KHDRBS2: variants seen among roughly 807,000 people sequenced by gnomAD.
KHDRBS2 encodes KH RNA binding domain containing, signal transduction associated 2.
A neutral mutation model predicts 44.3 loss-of-function variants in KHDRBS2; 26 were observed. That is an observed-to-expected ratio of 0.59 (90% CI 0.43 to 0.81). The LOEUF (loss-of-function observed/expected upper bound fraction) is 0.81. KHDRBS2 is among the 40% of genes least tolerant of loss of function. The pLI, the probability that KHDRBS2 is intolerant of heterozygous loss-of-function variation, is 0.00. For synonymous variants in KHDRBS2, 194 were observed against 151.1 expected, an observed-to-expected ratio of 1.28 and a Z score of -2.08; for missense variants, 476 against 433.1, an observed-to-expected ratio of 1.10 and a Z score of -0.88.
intron 6 of KHDRBS2, among the ~76,000 whole-genome samples, chr6:61,808,894 G>T (rs182932865): frequency 1.5e-4 from 22 of 150,914 alleles, no homozygotes; most frequent in African/African-American, 5.1e-4. Flanking sequence ...TTATATAAAA[G>T]GAATAAAGGG....
chr6:61,823,469 T>C (rs1203918018), intron 6 of KHDRBS2, among the ~76,000 whole-genome samples: 2 of 152,044 alleles, frequency 1.3e-5, no homozygotes, highest in African/African-American at 4.8e-5. Context: ...TTGGGAAGAA[T>C]TTATCTGATG....
intron 7 of KHDRBS2, among the ~76,000 whole-genome samples, chr6:61,720,685 G>A (rs1217424458): frequency 6.6e-6 from 1 of 152,288 alleles, no homozygotes; most frequent in East Asian, 1.9e-4. Context: ...TTAGCCCTTT[G>A]TTAGACGAGT....
intron 2 of KHDRBS2, among the ~76,000 whole-genome samples, chr6:62,064,475 C>T (rs1324395603): frequency 2.7e-5 from 4 of 147,652 alleles, no homozygotes; most frequent in African/African-American, 5.0e-5. Flanking sequence ...GAAATAACGC[C>T]GCATACCTAC....
the KHDRBS2 span, among the ~76,000 whole-genome samples, chr6:61,578,556 A>G: frequency 6.6e-6 from 1 of 152,314 alleles, no homozygotes; most frequent in African/African-American, 2.4e-5. Context: ...TTTACAGTTC[A>G]TCTTAAAGTG....
Position 61,966,183 on chromosome 6 carries a change from A to T in KHDRBS2, c.483+11883T>A, listed in dbSNP as rs112780274. On this transcript the variant is annotated intron_variant, in intron 4 of 8. Transcript: ENST00000281156. ...TGAGAATTACACTGAAAGGTAATGA[A>T]TTACAGTTTGGTAGTAAAATTATCT... Among the ~76,000 whole-genome samples the T allele has an allele frequency of 6.6e-5, 10 of 152,170 alleles. 1 individual carries two copies. The highest frequency in any genetic ancestry group is 3.9e-4 in the East Asian group (2 of 5,170).
At chr6:61,607,536 A>AAAAAAAAAAAAAAAAAAAAAC in the KHDRBS2 span, among the ~76,000 whole-genome samples, 1 of 147,362 alleles carries the variant, frequency 6.8e-6, no homozygotes, top group Non-Finnish European at 1.5e-5. Flanking sequence ...AAAAAAAAAA[A>AAAAAAAAAAAAAAAAAAAAAC]AAAAAAAAAG....
Position 62,281,226 on chromosome 6 carries a change from GTAATC to G in KHDRBS2, c.91+4627_91+4631del, listed in dbSNP as rs370861576. Among the ~76,000 whole-genome samples, 659 of 152,268 alleles carry G rather than the reference GTAATC, an allele frequency of 4.3e-3. 8 individuals carry two copies. The highest frequency in any genetic ancestry group is 0.015 in the African/African-American group (628 of 41,550). On this transcript the variant is annotated intron_variant, in intron 1 of 8. Coordinates refer to ENST00000281156, the MANE Select transcript of KHDRBS2 (RefSeq NM_152688.4). Reference sequence around the variant, plus strand: ...TTATGAGTTCAAATGTAACTCAGCAGTAATCTAAAGTAAGGCAGTGTTTATTTTAC... The same window carrying G: ...TTATGAGTTCAAATGTAACTCAGCAGTAAAGTAAGGCAGTGTTTATTTTAC...
At chr6:61,708,619 G>A (rs1179168814) in intron 7 of KHDRBS2, among the ~76,000 whole-genome samples, 1 of 151,422 alleles carries the variant, frequency 6.6e-6, no homozygotes, top group African/African-American at 2.4e-5. Context: ...TGTGCTACAG[G>A]GCAGTCATGT....
chr6:62,047,388 T>C (rs1436648297), intron 3 of KHDRBS2, among the ~76,000 whole-genome samples: 1 of 151,950 alleles, frequency 6.6e-6, no homozygotes, highest in Non-Finnish European at 1.5e-5. Context: ...TTAATATCAT[T>C]GAAGCATTTC....
At chr6:62,174,980 A>T (rs1055998508) in intron 2 of KHDRBS2, among the ~76,000 whole-genome samples, 3 of 148,314 alleles carry the variant, frequency 2.0e-5, no homozygotes, top group Non-Finnish European at 4.6e-5. Flanking sequence ...TCTCACTGAT[A>T]TTTTTCTAAG....
At chr6:62,279,419 A>T (rs973097594) in intron 1 of KHDRBS2, among the ~76,000 whole-genome samples, 3 of 152,198 alleles carry the variant, frequency 2.0e-5, no homozygotes, top group African/African-American at 7.2e-5. Flanking sequence ...TAGGAGAAAA[A>T]GGAAGATATG....
At chr6:62,052,723 G>T (rs573437268) in intron 2 of KHDRBS2, among the ~76,000 whole-genome samples, 1 of 152,000 alleles carries the variant, frequency 6.6e-6, no homozygotes, top group Non-Finnish European at 1.5e-5. Context: ...AACCCAGATC[G>T]CTTGCATGTG....
chr6:62,032,593 C>CA, intron 3 of KHDRBS2, among the ~76,000 whole-genome samples: 1 of 151,152 alleles, frequency 6.6e-6, no homozygotes, highest in Middle Eastern at 3.4e-3. Context: ...ATCAAGAGAA[C>CA]CCTGACAAAT....
the KHDRBS2 span, among the ~76,000 whole-genome samples, chr6:61,670,180 A>G: frequency 6.6e-6 from 1 of 151,372 alleles, no homozygotes; most frequent in Non-Finnish European, 1.5e-5. Flanking sequence ...ATAGTTGACA[A>G]TGTAAAAACA....
intron 7 of KHDRBS2, among the ~76,000 whole-genome samples, chr6:61,724,795 A>T (rs9359729): frequency 0.41 from 62,973 of 152,042 alleles, 13,393 homozygotes; most frequent in Middle Eastern, 0.51. Flanking sequence ...TACAGGAACA[A>T]CCAGATTCAT....
At chr6:62,165,326 T>C (rs1166968079) in intron 2 of KHDRBS2, among the ~76,000 whole-genome samples, 1 of 150,454 alleles carries the variant, frequency 6.6e-6, no homozygotes, top group Non-Finnish European at 1.5e-5. Flanking sequence ...GTGTATGAGA[T>C]AAGATAGGGA....
intron 1 of KHDRBS2, among the ~76,000 whole-genome samples, chr6:62,275,204 A>C (rs1464773338): frequency 6.6e-6 from 1 of 152,138 alleles, no homozygotes; most frequent in Non-Finnish European, 1.5e-5. Context: ...TCTTTCAGTA[A>C]TTTCAGAAGA....
At chr6:62,076,447 G>T (rs1279778729) in intron 2 of KHDRBS2, among the ~76,000 whole-genome samples, 1 of 151,982 alleles carries the variant, frequency 6.6e-6, no homozygotes, top group Non-Finnish European at 1.5e-5. Flanking sequence ...AAGGTTCAAA[G>T]AAGTCAAGGT....
intron 1 of KHDRBS2, among the ~76,000 whole-genome samples, chr6:62,186,160 T>A (rs771639789): frequency 6.6e-6 from 1 of 152,108 alleles, no homozygotes; most frequent in African/African-American, 2.4e-5. Flanking sequence ...GCCTTTTCTA[T>A]GTATTAGGCA....
Sources: allele counts gnomAD v4.1 joint callset (sites outside exome capture counted in the v4.1 genomes callset), GRCh38; gene constraint gnomAD v4.1.1; transcripts MANE v1.5; gene names NCBI Gene and HGNC (gene_info 2026-07-23, HGNC 2026-07-21).